SERGEF: variants seen among roughly 807,000 people sequenced by gnomAD.
SERGEF encodes the protein secretion-regulating guanine nucleotide exchange factor.
Under a neutral mutation model 50.0 loss-of-function variants are expected in SERGEF, and 51 were observed. The observed-to-expected ratio is 1.02, with a 90% CI of 0.81 to 1.29. The LOEUF is 1.29. Ranked by LOEUF, SERGEF falls within the 50% of genes most tolerant of loss-of-function variation. The pLI, the probability that SERGEF is intolerant of heterozygous loss-of-function variation, is 0.00. For missense variants in SERGEF, 521 were observed against 557.0 expected, an observed-to-expected ratio of 0.94 and a Z score of 0.65; for synonymous variants, 205 against 212.4, an observed-to-expected ratio of 0.97 and a Z score of 0.30.
chr11:17,815,127 C>T (rs963956137), intron 10 of SERGEF, among the ~76,000 whole-genome samples: 2 of 152,134 alleles, frequency 1.3e-5, no homozygotes, highest in African/African-American at 2.4e-5. Flanking sequence ...TGCAAGGCTG[C>T]AGTGAGCTAC....
At chr11:17,962,919 C>G (rs111737689) in intron 8 of SERGEF, among the ~76,000 whole-genome samples, 1 of 152,092 alleles carries the variant, frequency 6.6e-6, no homozygotes, top group Non-Finnish European at 1.5e-5. Context: ...CAGTGGCTCA[C>G]GCCTGTAATC....
chr11:17,993,461 CTGT>C (rs1174218184), intron 6 of SERGEF, among the ~76,000 whole-genome samples: 2 of 152,282 alleles, frequency 1.3e-5, no homozygotes, highest in South Asian at 4.1e-4. Flanking sequence ...ATACACTCAG[CTGT>C]TATCAAACGC....
chr11:17,815,642 G>T (rs754522374), intron 10 of SERGEF, among the ~76,000 whole-genome samples: 5 of 148,874 alleles, frequency 3.4e-5, no homozygotes, highest in African/African-American at 1.2e-4. Context: ...AACAAAAACC[G>T]GCCGGGCTTG....
chr11:17,799,476 G>A (rs1169978950), intron 10 of SERGEF, among the ~76,000 whole-genome samples: 1 of 152,194 alleles, frequency 6.6e-6, no homozygotes, highest in Non-Finnish European at 1.5e-5. Context: ...TCTCCGAGGG[G>A]CACTAGCAGA....
chr11:17,821,146 CTG>C (rs1480183034), intron 10 of SERGEF, among the ~76,000 whole-genome samples: 3 of 152,214 alleles, frequency 2.0e-5, no homozygotes, highest in Non-Finnish European at 4.4e-5. Context: ...GTCAAGAGAA[CTG>C]TCTCTCCTAG....
rs755558788 is a variant in SERGEF at position 17,988,717 on chromosome 11, C to T, written c.724G>A (p.Gly242Arg). ...AAAGCAGCCTCATTAGCCAGTTGCCCATGCTTGTTGCTTCCCCAAACATAC... is the reference window on the plus strand; with the variant it reads ...AAAGCAGCCTCATTAGCCAGTTGCCTATGCTTGTTGCTTCCCCAAACATAC... ...EVYVWGSNKH[G>R]QLANEAAFLP... Residue 242 changes from glycine to arginine, a missense_variant, in exon 8 of 11, where the codon GGG becomes AGG. Transcript: ENST00000265965. 1.2e-5 allele frequency: 19 copies of T among 1,613,998 alleles called. No individual in the cohort carries two copies. The South Asian group carries it at 1.6e-4, about 14-fold the overall frequency.
intron 9 of SERGEF, among the ~76,000 whole-genome samples, chr11:17,959,026 G>T (rs1159022873): frequency 6.6e-6 from 1 of 151,888 alleles, no homozygotes; most frequent in Non-Finnish European, 1.5e-5. Context: ...GTGCCACCAC[G>T]CCCAGCTAAT....
chr11:17,801,429 G>A (rs1358736666), intron 10 of SERGEF, among the ~76,000 whole-genome samples: 1 of 152,214 alleles, frequency 6.6e-6, no homozygotes, highest in East Asian at 1.9e-4. Flanking sequence ...AGTGCAGGAA[G>A]GTGGCTCAAA....
intron 10 of SERGEF, among the ~76,000 whole-genome samples, chr11:17,806,880 T>C (rs1345174478): frequency 2.6e-5 from 4 of 151,148 alleles, no homozygotes; most frequent in African/African-American, 7.3e-5. Flanking sequence ...CCAAACTCAA[T>C]TGTGTACCCC....
intron 9 of SERGEF, among the ~76,000 whole-genome samples, chr11:17,906,826 G>GAA (rs56102467): frequency 0.53 from 69,997 of 132,546 alleles, 18,471 homozygotes; most frequent in African/African-American, 0.7. Flanking sequence ...TATCAAATAA[G>GAA]AAAAAAAAAA....
At chr11:17,839,820 G>A (rs972297943) in intron 10 of SERGEF, among the ~76,000 whole-genome samples, 19 of 152,104 alleles carry the variant, frequency 1.2e-4, no homozygotes, top group African/African-American at 4.6e-4. Flanking sequence ...AACTCTGCAA[G>A]GTATTATAAA....
At chr11:17,996,017 A>G in intron 5 of SERGEF, 108 bp from the exon 6 acceptor site, 1 of 785,414 alleles carries the variant, frequency 1.3e-6, no homozygotes, top group Non-Finnish European at 2.2e-6. Flanking sequence ...TTCTCAGTTA[A>G]TATGAGTGTT....
chr11:18,003,494 G>T (rs1370369773), intron 4 of SERGEF, among the ~76,000 whole-genome samples: 1 of 152,132 alleles, frequency 6.6e-6, no homozygotes, highest in Non-Finnish European at 1.5e-5. Flanking sequence ...ATGCATACCA[G>T]AGTTCAAAGA....
chr11:17,833,053 G>A (rs760383307), intron 10 of SERGEF, among the ~76,000 whole-genome samples: 1 of 152,206 alleles, frequency 6.6e-6, no homozygotes, highest in African/African-American at 2.4e-5. Flanking sequence ...AAGTAACGAG[G>A]AGCCAAATGT....
intron 10 of SERGEF, among the ~76,000 whole-genome samples, chr11:17,875,477 T>G (rs1851222679): frequency 6.6e-6 from 1 of 152,248 alleles, no homozygotes; most frequent in Non-Finnish European, 1.5e-5. Flanking sequence ...CCTGTCTCCT[T>G]GTCAATTGAC....
At chr11:17,952,386 A>G (rs144905082) in intron 9 of SERGEF, among the ~76,000 whole-genome samples, 1 of 152,284 alleles carries the variant, frequency 6.6e-6, no homozygotes, top group African/African-American at 2.4e-5. Flanking sequence ...CTCTCTTCAC[A>G]TATCCCCTTG....
At chr11:17,955,884 A>G (rs1852858662) in intron 9 of SERGEF, among the ~76,000 whole-genome samples, 1 of 152,258 alleles carries the variant, frequency 6.6e-6, no homozygotes, top group Non-Finnish European at 1.5e-5. Flanking sequence ...AAGTTGAGTT[A>G]GCAGCTAGGG....
At chr11:17,992,825 G>T in intron 7 of SERGEF, 106 bp downstream of exon 7, 1 of 980,790 alleles carries the variant, frequency 1.0e-6, no homozygotes, top group Non-Finnish European at 1.6e-6. Context: ...CAGAATTCTA[G>T]CTCCAAAGTC....
At chr11:17,979,562 C>T (rs573181824) in intron 8 of SERGEF, among the ~76,000 whole-genome samples, 1 of 152,278 alleles carries the variant, frequency 6.6e-6, no homozygotes, top group East Asian at 1.9e-4. Flanking sequence ...ATCTTTTCTT[C>T]TCTATCTCCA....
Sources: gnomAD v4.1 joint callset for allele counts (sites outside exome capture counted in the v4.1 genomes callset) on GRCh38, gnomAD v4.1.1 for gene constraint, MANE v1.5 for transcripts, NCBI Gene and HGNC (gene_info 2026-07-23, HGNC 2026-07-21) for gene names.